DPP10: variants seen among roughly 807,000 people sequenced by gnomAD.
DPP10 encodes the protein inactive dipeptidyl peptidase 10.
DPP10 carries 33 observed loss-of-function variants against 120.9 expected under a neutral mutation model. The observed-to-expected ratio is 0.27, with a 90% CI of 0.21 to 0.37. The LOEUF is 0.37. Among genes scored for constraint, DPP10 ranks in the 10% least tolerant of loss-of-function variants. The pLI is 1.00. For synonymous variants in DPP10, 337 were observed against 326.1 expected (o/e 1.03, Z -0.36); for missense variants, 816 against 942.8 (o/e 0.87, Z 1.76).
At chr2:115,809,082 C>A (rs1323664658) in intron 19 of DPP10, among the ~76,000 whole-genome samples, 1 of 152,108 alleles carries the variant, frequency 6.6e-6, no homozygotes, top group Non-Finnish European at 1.5e-5. Context: ...AGAAACAGTT[C>A]TCTGGTAGGA....
intron 1 of DPP10, among the ~76,000 whole-genome samples, chr2:115,049,268 T>C (rs1039693631): frequency 8.5e-5 from 13 of 152,216 alleles, no homozygotes; most frequent in South Asian, 6.2e-4. Flanking sequence ...AGTTACATTA[T>C]TGAGCACTTA....
chr2:115,475,380 C>T (rs908956153), intron 3 of DPP10, among the ~76,000 whole-genome samples: 1 of 152,160 alleles, frequency 6.6e-6, no homozygotes, highest in Non-Finnish European at 1.5e-5. Flanking sequence ...CATGGGTGCA[C>T]AGAATGCCAA....
intron 1 of DPP10, among the ~76,000 whole-genome samples, chr2:114,628,159 T>A (rs1297812365): frequency 6.6e-6 from 1 of 152,168 alleles, no homozygotes; most frequent in African/African-American, 2.4e-5. Context: ...TGACATTATT[T>A]TCTTATACTG....
At chr2:115,046,768 A>G (rs1349126111) in intron 1 of DPP10, among the ~76,000 whole-genome samples, 1 of 152,026 alleles carries the variant, frequency 6.6e-6, no homozygotes. Context: ...TATTTGTTAA[A>G]TAATTTATTA....
At chr2:115,813,373 C>G (rs1686872272) in intron 19 of DPP10, among the ~76,000 whole-genome samples, 1 of 152,204 alleles carries the variant, frequency 6.6e-6, no homozygotes, top group African/African-American at 2.4e-5. Context: ...CTTTGCGCCT[C>G]TTCATATGGT....
chr2:115,441,805 T>TTTTC (rs1393026944), intron 3 of DPP10, among the ~76,000 whole-genome samples: 4 of 149,014 alleles, frequency 2.7e-5, no homozygotes, highest in Admixed American at 6.7e-5. Flanking sequence ...CAAGTTTCTT[T>TTTTC]TTTCTTTCTT....
At chr2:115,799,641 G>C (rs1684946307) in intron 19 of DPP10, among the ~76,000 whole-genome samples, 1 of 134,834 alleles carries the variant, frequency 7.4e-6, no homozygotes, top group Non-Finnish European at 1.5e-5. Flanking sequence ...GTGTCCATGT[G>C]TTCTCATTGT....
At chr2:114,961,661 T>C (rs1299912278) in intron 1 of DPP10, among the ~76,000 whole-genome samples, 1 of 152,142 alleles carries the variant, frequency 6.6e-6, no homozygotes, top group Non-Finnish European at 1.5e-5. Flanking sequence ...ATGTATGCTT[T>C]ATCTTCATTT....
At chr2:115,405,245 G>GA (rs2068420578) in intron 3 of DPP10, among the ~76,000 whole-genome samples, 2 of 152,266 alleles carry the variant, frequency 1.3e-5, no homozygotes, top group African/African-American at 2.4e-5. Context: ...GAGGCAAAAA[G>GA]AAAAATCAGC....
chr2:114,801,060 G>A (rs934516628), intron 1 of DPP10, among the ~76,000 whole-genome samples: 6 of 151,824 alleles, frequency 4.0e-5, no homozygotes, highest in South Asian at 2.1e-4. Context: ...TCAGGAGATC[G>A]AGACCATCCT....
intron 1 of DPP10, among the ~76,000 whole-genome samples, chr2:114,952,847 C>A (rs1436835954): frequency 1.3e-5 from 2 of 152,238 alleles, no homozygotes; most frequent in African/African-American, 4.8e-5. Context: ...GCTAGTCAGC[C>A]ACAGCCATGT....
intron 1 of DPP10, among the ~76,000 whole-genome samples, chr2:114,866,711 A>G (rs1690265381): frequency 6.6e-6 from 1 of 152,220 alleles, no homozygotes; most frequent in African/African-American, 2.4e-5. Context: ...ATACATGCAA[A>G]AAATTGCATA....
chr2:114,765,017 G>C (rs1455548788), intron 1 of DPP10, among the ~76,000 whole-genome samples: 3 of 152,000 alleles, frequency 2.0e-5, no homozygotes, highest in Non-Finnish European at 4.4e-5. Flanking sequence ...GAATGAACAT[G>C]GTTTCAAATG....
At chr2:115,650,755 C>G (rs918114523) in intron 5 of DPP10, among the ~76,000 whole-genome samples, 1 of 151,920 alleles carries the variant, frequency 6.6e-6, no homozygotes, top group Admixed American at 6.6e-5. Context: ...GGTGCCCATG[C>G]ATTTTTGCCC....
chr2:114,698,752 G>A (rs908608899), intron 1 of DPP10, among the ~76,000 whole-genome samples: 13 of 152,062 alleles, frequency 8.5e-5, no homozygotes, highest in African/African-American at 3.1e-4. Flanking sequence ...CAGAGAGCAA[G>A]AGCAACTGCC....
At chr2:114,936,678 CT>C (rs1696508343) in intron 1 of DPP10, among the ~76,000 whole-genome samples, 1 of 152,074 alleles carries the variant, frequency 6.6e-6, no homozygotes, top group South Asian at 2.1e-4. Context: ...CCTTTTTTCA[CT>C]GTAGTTGTAC....
chr2:114,936,077 G>T (rs1249752600), intron 1 of DPP10, among the ~76,000 whole-genome samples: 1 of 150,362 alleles, frequency 6.7e-6, no homozygotes, highest in African/African-American at 2.4e-5. Flanking sequence ...CTGAAATTTT[G>T]GTGCACCCAT....
At chr2:114,993,580 GTATATATA>G (rs59593945) in intron 1 of DPP10, among the ~76,000 whole-genome samples, 3,448 of 97,366 alleles carry the variant, frequency 0.035, 183 homozygotes, top group African/African-American at 0.12. Flanking sequence ...GTGTGTGTGT[GTATATATA>G]TATATATATA....
chr2:114,565,489 C>T (rs980367564), intron 1 of DPP10, among the ~76,000 whole-genome samples: 1 of 152,180 alleles, frequency 6.6e-6, no homozygotes, highest in African/African-American at 2.4e-5. Flanking sequence ...GGATTTTAGT[C>T]AAGCTTAGCA....
Sources: gnomAD v4.1 joint callset for allele counts (sites outside exome capture counted in the v4.1 genomes callset) on GRCh38, gnomAD v4.1.1 for gene constraint, MANE v1.5 for transcripts, NCBI Gene and HGNC (gene_info 2026-07-23, HGNC 2026-07-21) for gene names.